The following EIF4G3 variants were observed in gnomAD, a reference collection of about 807,000 sequenced individuals.
EIF4G3 encodes the protein eukaryotic translation initiation factor 4 gamma 3.
EIF4G3 carries 34 observed loss-of-function variants against 186.4 expected under a neutral mutation model. The ratio of observed to expected loss-of-function variants is 0.18; its 90% CI spans 0.14 to 0.24. EIF4G3 has a LOEUF of 0.24. Among genes scored for constraint, EIF4G3 ranks in the 10% least tolerant of loss-of-function variants. The pLI is 1.00. For missense variants in EIF4G3, 1,536 were observed against 1,948.5 expected (o/e 0.79, Z 3.99); for synonymous variants, 673 against 679.5 (o/e 0.99, Z 0.15).
intron 15 of EIF4G3, among the ~76,000 whole-genome samples, chr1:20,902,984 T>C (rs2090891308): frequency 6.6e-6 from 1 of 152,200 alleles, no homozygotes; most frequent in Non-Finnish European, 1.5e-5. Context: ...TGGTTCAAAA[T>C]AAGTCAAAAC....
At chr1:20,883,971 TAGA>T (rs1351085433) in intron 19 of EIF4G3, among the ~76,000 whole-genome samples, 25 of 152,156 alleles carry the variant, frequency 1.6e-4, no homozygotes, top group African/African-American at 6.0e-4. Flanking sequence ...ATCCTAGGGG[TAGA>T]AGCCCAGACA....
At chr1:21,014,561 C>A (rs1169352818) in intron 4 of EIF4G3, among the ~76,000 whole-genome samples, 2 of 150,728 alleles carry the variant, frequency 1.3e-5, no homozygotes, top group African/African-American at 4.9e-5. Context: ...TTGTAAGTGA[C>A]AAGATGCAGT....
At chr1:21,171,907 C>T (rs896407390) in intron 2 of EIF4G3, among the ~76,000 whole-genome samples, 3 of 152,074 alleles carry the variant, frequency 2.0e-5, no homozygotes, top group African/African-American at 7.2e-5. Flanking sequence ...TATTTTAAGA[C>T]TAGCAAGTAC....
chr1:20,809,299 T>C (rs1310742362), intron 36 of EIF4G3, among the ~76,000 whole-genome samples: 1 of 152,226 alleles, frequency 6.6e-6, no homozygotes, highest in Non-Finnish European at 1.5e-5. Context: ...TGATTCATGG[T>C]AGATTGTCTC....
At chr1:21,095,835 C>T (rs1299420345) in intron 2 of EIF4G3, among the ~76,000 whole-genome samples, 1 of 151,608 alleles carries the variant, frequency 6.6e-6, no homozygotes, top group Non-Finnish European at 1.5e-5. Flanking sequence ...GACTATGCAA[C>T]AATGGCTGCT....
chr1:20,851,229 T>A, intron 28 of EIF4G3, 29 bp downstream of exon 28: 6 of 1,601,320 alleles, frequency 3.7e-6, no homozygotes, highest in Non-Finnish European at 5.1e-6. Context: ...AAAACCCAAA[T>A]CTGCATCTGT....
chr1:20,894,554 G>A (rs1002559614), intron 17 of EIF4G3, among the ~76,000 whole-genome samples: 4 of 152,150 alleles, frequency 2.6e-5, no homozygotes, highest in Non-Finnish European at 2.9e-5. Context: ...ATTTTTTTGC[G>A]TGAAAATTCA....
chr1:21,047,105 A>G (rs2093937412), intron 4 of EIF4G3, among the ~76,000 whole-genome samples: 1 of 152,226 alleles, frequency 6.6e-6, no homozygotes, highest in South Asian at 2.1e-4. Flanking sequence ...CCAATATCAT[A>G]TAACCAGAAA....
rs769214332 is a variant in EIF4G3 at position 20,829,281 on chromosome 1, G to C, written c.4062-9C>G. The C allele has an allele frequency of 3.1e-6, 5 of 1,608,330 alleles. No homozygotes were observed. The highest frequency in any genetic ancestry group is 3.4e-6 in the Non-Finnish European group (4 of 1,178,552). ...CCAAAGTTTCTGAAAAACTGAAAAG[G>C]AACAGGGGGTAAAAATCACATGCAA... is the stretch of plus-strand genomic sequence containing the variant. On this transcript the variant is annotated splice_polypyrimidine_tract_variant and intron_variant, in intron 30 of 36. Transcript: ENST00000602326.
chr1:20,979,874 C>T (rs1432715368), intron 10 of EIF4G3, among the ~76,000 whole-genome samples: 1 of 151,944 alleles, frequency 6.6e-6, no homozygotes, highest in African/African-American at 2.4e-5. Context: ...CCTCAGCCTC[C>T]CGAATATCTG....
chr1:20,864,151 G>T (rs2077053988), intron 22 of EIF4G3, among the ~76,000 whole-genome samples: 1 of 152,090 alleles, frequency 6.6e-6, no homozygotes, highest in South Asian at 2.1e-4. Context: ...CTTCATTTCT[G>T]CACTACCCTT....
Position 21,176,303 on chromosome 1 carries a change from T to TGCC in EIF4G3, c.-403_-401dup, listed in dbSNP as rs1280098685. The TGCC allele has an allele frequency of 1.6e-4, 44 of 277,388 alleles. No homozygotes were observed. The highest frequency in any genetic ancestry group is 7.2e-4 in the African/African-American group (30 of 41,438). 17.2% of individuals were successfully genotyped at this position (277,388 alleles called of 1,614,324 possible). A position where few individuals can be genotyped will look rare whatever the true frequency, so the allele number is the denominator to read the frequency against. ...CCGGGTGAGGAGGCGGTACCGCTGC[T>TGCC]GCCGCCGCCGCCGCCGCTCCGGTGC... is the stretch of plus-strand genomic sequence containing the variant. On this transcript the variant is annotated 5_prime_UTR_variant, in exon 2 of 37. Coordinates refer to ENST00000602326, the MANE Select transcript of EIF4G3 (RefSeq NM_001391906.1).
chr1:20,904,864 A>G lies in EIF4G3; in HGVS notation c.1752+19T>C. Reference sequence around the variant, plus strand: ...AATGGCACCACTGCTCTGAATATGAACTTAAGAGATTTGCTTACCTCCAAT... The same window carrying G: ...AATGGCACCACTGCTCTGAATATGAGCTTAAGAGATTTGCTTACCTCCAAT... On this transcript the variant is annotated intron_variant, in intron 15 of 36. Transcript: ENST00000602326. 1 of 1,594,040 alleles carries G rather than the reference A, an allele frequency of 6.3e-7. No homozygotes were observed. The highest frequency in any genetic ancestry group is 1.1e-5 in the South Asian group (1 of 90,608).
chr1:20,895,324 G>T, intron 17 of EIF4G3, 44 bp downstream of exon 17: 2 of 1,591,028 alleles, frequency 1.3e-6, no homozygotes, highest in African/African-American at 2.7e-5. Flanking sequence ...GTTAAAATCA[G>T]TTCCCACCAA....
At chr1:21,106,363 G>C (rs1487005565) in intron 2 of EIF4G3, among the ~76,000 whole-genome samples, 2 of 152,070 alleles carry the variant, frequency 1.3e-5, no homozygotes, top group Non-Finnish European at 2.9e-5. Context: ...GAAGACAGTA[G>C]GATAACAGAA....
chr1:21,006,402 TTTCAAAG>T (rs2085095698), intron 4 of EIF4G3, among the ~76,000 whole-genome samples: 1 of 152,188 alleles, frequency 6.6e-6, no homozygotes, highest in South Asian at 2.1e-4. Context: ...TTTCGAATAA[TTTCAAAG>T]TCATCCCAAA....
chr1:21,108,884 CAG>C (rs2096664533), intron 2 of EIF4G3, among the ~76,000 whole-genome samples: 1 of 106,650 alleles, frequency 9.4e-6, no homozygotes, highest in African/African-American at 3.9e-5. Context: ...GACTGGGCGA[CAG>C]AGTGAGACTC....
At chr1:20,975,164 G>A (rs2076608439) in intron 10 of EIF4G3, among the ~76,000 whole-genome samples, 1 of 152,054 alleles carries the variant, frequency 6.6e-6, no homozygotes, top group South Asian at 2.1e-4. Flanking sequence ...AAAAATCTCA[G>A]TCATCCTCTA....
At chr1:20,904,388 C>T (rs1206356268) in intron 15 of EIF4G3, among the ~76,000 whole-genome samples, 8 of 152,144 alleles carry the variant, frequency 5.3e-5, no homozygotes, top group Non-Finnish European at 7.3e-5. Context: ...CTGTGTTGCC[C>T]AGGCTGGAGT....
Sources: allele counts gnomAD v4.1 joint callset (sites outside exome capture counted in the v4.1 genomes callset), GRCh38; gene constraint gnomAD v4.1.1; transcripts MANE v1.5; gene names NCBI Gene and HGNC (gene_info 2026-07-23, HGNC 2026-07-21).